Variants in XIRP2 observed in about 807,000 individuals in gnomAD.
XIRP2 encodes xin actin-binding repeat-containing protein 2.
In XIRP2, 236 loss-of-function variants were observed where a neutral mutation model predicts 277.0. That is an observed-to-expected ratio of 0.85 (90% CI 0.77 to 0.95). The LOEUF is 0.95. Ranked by LOEUF, XIRP2 falls within the 40% of genes least tolerant of loss-of-function variation. The pLI is 0.00. For synonymous variants in XIRP2, 1,490 were observed against 1,416.5 expected, an observed-to-expected ratio of 1.05 and a Z score of -1.17; for missense variants, 4,640 against 4,157.5, an observed-to-expected ratio of 1.12 and a Z score of -3.19.
chr2:167,076,007 A>C (rs1350104730), intron 2 of XIRP2, among the ~76,000 whole-genome samples: 2 of 152,010 alleles, frequency 1.3e-5, no homozygotes, highest in South Asian at 2.1e-4. Context: ...ACTAATGAGC[A>C]CTCAGTTTGC....
chr2:167,235,601 A>G (rs746613523), intron 5 of XIRP2, among the ~76,000 whole-genome samples: 4 of 151,928 alleles, frequency 2.6e-5, no homozygotes, highest in Non-Finnish European at 4.4e-5. Flanking sequence ...TGACTATGAA[A>G]TGTGATAGGT....
At chr2:166,936,849 T>C (rs1685533161) in intron 2 of XIRP2, among the ~76,000 whole-genome samples, 1 of 152,214 alleles carries the variant, frequency 6.6e-6, no homozygotes, top group Non-Finnish European at 1.5e-5. Flanking sequence ...GGTAGCATGA[T>C]GCCTCCAGCC....
intron 2 of XIRP2, among the ~76,000 whole-genome samples, chr2:167,103,567 C>A (rs1690541654): frequency 6.6e-6 from 1 of 152,146 alleles, no homozygotes; most frequent in Admixed American, 6.5e-5. Context: ...AGCAAACAGA[C>A]TTAACCAATC....
intron 2 of XIRP2, among the ~76,000 whole-genome samples, chr2:167,132,962 T>C (rs1459131004): frequency 6.6e-6 from 1 of 152,232 alleles, no homozygotes; most frequent in African/African-American, 2.4e-5. Flanking sequence ...AACATTTCTT[T>C]ATTTTATTTT....
At position 167,251,182 on chromosome 2, in the gene XIRP2, A is replaced by C. The variant is rs1695486743; in HGVS notation, c.9790A>C (p.Lys3264Gln). 1.9e-6 allele frequency: 3 copies of C among 1,613,536 alleles called. No homozygotes were observed. The highest frequency in any genetic ancestry group is 2.5e-6 in the Non-Finnish European group (3 of 1,179,732). ...TGTGGACGCTCAAGAGGAAATCAGGAAAGTGGAGAAGAGAGCTACTTATGT... is the reference window on the plus strand; with the variant it reads ...TGTGGACGCTCAAGAGGAAATCAGGCAAGTGGAGAAGAGAGCTACTTATGT... ...ESVDAQEEIR[K>Q]VEKRATYVHK... is the part of the protein sequence containing the mutation. The change falls in exon 9 of 11, where the codon AAA becomes CAA. Residue 3264 changes from lysine (K) to glutamine (Q), a missense_variant. By Grantham distance (53) the Lys-to-Gln change is moderately conservative. Coordinates refer to ENST00000409195, the MANE Select transcript of XIRP2 (RefSeq NM_152381.6).
intron 3 of XIRP2, among the ~76,000 whole-genome samples, chr2:167,189,885 G>A (rs920541810): frequency 6.6e-6 from 1 of 152,142 alleles, no homozygotes; most frequent in African/African-American, 2.4e-5. Flanking sequence ...CACTTCACAA[G>A]ACAGCCACTA....
At position 167,053,851 on chromosome 2, in the gene XIRP2, TA is replaced by T. The variant is rs371553681; in HGVS notation, c.409-82053del. On this transcript the variant is annotated intron_variant, in intron 2 of 10. Transcript: ENST00000409195. Reference sequence around the variant, plus strand: ...TTGCTCAAGACAGGTTCATGATAATTAAAAATTTGAGAGAATCAAATGTTCT... The same window carrying T: ...TTGCTCAAGACAGGTTCATGATAATTAAAATTTGAGAGAATCAAATGTTCT... Among the ~76,000 whole-genome samples, 53 of 152,324 alleles carry T rather than the reference TA, an allele frequency of 3.5e-4. 2 individuals are homozygous for T. In the South Asian group the frequency reaches 0.011, roughly 31 times the overall value.
chr2:166,917,365 A>G (rs1419715114), intron 2 of XIRP2, among the ~76,000 whole-genome samples: 1 of 152,164 alleles, frequency 6.6e-6, no homozygotes, highest in Non-Finnish European at 1.5e-5. Flanking sequence ...ATGGGCCATA[A>G]TGTTTTATTT....
At chr2:166,972,812 T>A (rs1262991092) in intron 2 of XIRP2, among the ~76,000 whole-genome samples, 1 of 152,172 alleles carries the variant, frequency 6.6e-6, no homozygotes, top group Non-Finnish European at 1.5e-5. Context: ...TCTATTGTCA[T>A]TCAGATTCCA....
At chr2:167,068,852 T>C (rs1574222712) in intron 2 of XIRP2, among the ~76,000 whole-genome samples, 1 of 152,296 alleles carries the variant, frequency 6.6e-6, no homozygotes, top group African/African-American at 2.4e-5. Flanking sequence ...AATTTTTTTT[T>C]AGCTCATCAG....
At chr2:166,941,995 C>G (rs1201259965) in intron 2 of XIRP2, among the ~76,000 whole-genome samples, 2 of 152,158 alleles carry the variant, frequency 1.3e-5, no homozygotes, top group Non-Finnish European at 2.9e-5. Context: ...AAATTCTAAC[C>G]TCTCAAGTTC....
intron 2 of XIRP2, among the ~76,000 whole-genome samples, chr2:166,944,637 C>T (rs543494233): frequency 2.0e-5 from 3 of 152,250 alleles, no homozygotes; most frequent in African/African-American, 7.2e-5. Context: ...GTTCATGTAA[C>T]TGGGATCAAT....
chr2:167,219,515 G>T (rs1025904464), intron 5 of XIRP2, among the ~76,000 whole-genome samples: 2 of 152,168 alleles, frequency 1.3e-5, no homozygotes, highest in African/African-American at 4.8e-5. Flanking sequence ...GGGGCTTGTG[G>T]ATCTGGGTTT....
rs141868146 is a variant in XIRP2, at chr2:167,062,461, G to A, written c.409-73448G>A. Among the ~76,000 whole-genome samples, 374 of 152,170 alleles carry A rather than the reference G, an allele frequency of 2.5e-3. 2 individuals are homozygous for A. The highest frequency in any genetic ancestry group is 8.6e-3 in the African/African-American group (355 of 41,510). ...TTGTTTGTTTCCTCTGTTCCCTGGG[G>A]CTATTATACTACAGTATTCCTGTTA... On this transcript the variant is annotated intron_variant, in intron 2 of 10. Transcript: ENST00000409195.
At chr2:167,068,045 A>G (rs1379878344) in intron 2 of XIRP2, among the ~76,000 whole-genome samples, 3 of 152,134 alleles carry the variant, frequency 2.0e-5, no homozygotes, top group African/African-American at 7.2e-5. Flanking sequence ...AAGTTATATT[A>G]GTCTTTTTTA....
intron 2 of XIRP2, among the ~76,000 whole-genome samples, chr2:167,093,362 GA>G (rs1228632866): frequency 1.3e-5 from 2 of 151,922 alleles, no homozygotes; most frequent in African/African-American, 4.8e-5. Context: ...TACATGTGCA[GA>G]ACATGCAGGT....
chr2:167,075,971 A>G (rs1689558334), intron 2 of XIRP2, among the ~76,000 whole-genome samples: 2 of 152,060 alleles, frequency 1.3e-5, no homozygotes, highest in Admixed American at 6.5e-5. Flanking sequence ...CCACCCCTCC[A>G]AGCCAAGACT....
At chr2:167,160,525 C>T (rs1338569572) in intron 3 of XIRP2, among the ~76,000 whole-genome samples, 1 of 152,138 alleles carries the variant, frequency 6.6e-6, no homozygotes, top group Non-Finnish European at 1.5e-5. Context: ...GTGAAAGGCA[C>T]ATCTCACACG....
chr2:167,245,761 G>A lies in XIRP2; in HGVS notation c.4369G>A (p.Glu1457Lys). 2 of 1,613,702 alleles carry A rather than the reference G, an allele frequency of 1.2e-6. No homozygotes were observed. Among genetic ancestry groups the A allele is most frequent in the Non-Finnish European group, 1.7e-6 (2 of 1,179,776 alleles). Residue 1457 changes from glutamate (E) to lysine (K), a missense_variant, in exon 9 of 11, where the codon GAA becomes AAA. Coordinates refer to ENST00000409195, the MANE Select transcript of XIRP2 (RefSeq NM_152381.6). ...TGTTAAAACATCTACTTGGCTATTT[G>A]AAACCCACACTATGGATGAACTGAG... ...GNVKTSTWLF[E>K]THTMDELRGE...
Sources: allele counts gnomAD v4.1 joint callset (sites outside exome capture counted in the v4.1 genomes callset), GRCh38; gene constraint gnomAD v4.1.1; transcripts MANE v1.5; gene names NCBI Gene and HGNC (gene_info 2026-07-23, HGNC 2026-07-21).